DLG2: variants seen among roughly 807,000 people sequenced by gnomAD.
The protein encoded by DLG2 is disks large homolog 2.
DLG2 carries 45 observed loss-of-function variants against 132.5 expected under a neutral mutation model. The ratio of observed to expected loss-of-function variants is 0.34; its 90% CI spans 0.27 to 0.44. The LOEUF (loss-of-function observed/expected upper bound fraction) is 0.44, where lower values mean the gene tolerates loss of function less well. Among genes scored for constraint, DLG2 ranks in the 20% least tolerant of loss-of-function variants. DLG2 has a pLI of 1.00. For synonymous variants in DLG2, 424 were observed against 419.6 expected (o/e 1.01, Z -0.13); for missense variants, 1,045 against 1,196.9 (o/e 0.87, Z 1.87).
chr11:84,320,213 T>G (rs1050586669), intron 7 of DLG2, among the ~76,000 whole-genome samples: 7 of 152,188 alleles, frequency 4.6e-5, no homozygotes, highest in South Asian at 4.1e-4. Flanking sequence ...CTCTTTGACC[T>G]GGCACTGGCT....
chr11:85,315,606 T>C (rs951168492), intron 3 of DLG2, among the ~76,000 whole-genome samples: 6 of 151,980 alleles, frequency 3.9e-5, no homozygotes, highest in Non-Finnish European at 8.8e-5. Flanking sequence ...GTGAACATCA[T>C]ATATCAGGAC....
Position 83,553,483 on chromosome 11 carries a change from C to CGTGTGTGTGTGTGT in DLG2, c.1941-11639_1941-11626dup, listed in dbSNP as rs71959561. On this transcript the variant is annotated intron_variant, in intron 19 of 27. Coordinates refer to ENST00000376104, the MANE Select transcript of DLG2 (RefSeq NM_001142699.3). Reference sequence around the variant, plus strand: ...CTGGCACAAAGTAAGAAGTAAGCACCGTGTGTGTGTGTGTGTGTGTGTGTG... The same window carrying CGTGTGTGTGTGTGT: ...CTGGCACAAAGTAAGAAGTAAGCACCGTGTGTGTGTGTGTGTGTGTGTGTGTGTGTGTGTGTGTG... Among the ~76,000 whole-genome samples, 1,087 of 143,824 alleles carry CGTGTGTGTGTGTGT rather than the reference C, an allele frequency of 7.6e-3. 17 individuals are homozygous for CGTGTGTGTGTGTGT. Among genetic ancestry groups the CGTGTGTGTGTGTGT allele is most frequent in the African/African-American group, 0.018 (680 of 37,788 alleles). 94.4% of individuals were successfully genotyped at this position (143,824 alleles called of 152,430 possible). A position where few individuals can be genotyped will look rare whatever the true frequency, so the allele number is the denominator to read the frequency against.
At chr11:85,029,070 G>A (rs2060791079) in intron 6 of DLG2, among the ~76,000 whole-genome samples, 1 of 152,130 alleles carries the variant, frequency 6.6e-6, no homozygotes, top group Non-Finnish European at 1.5e-5. Context: ...CAAAATTCTT[G>A]GGGTGGGGAT....
chr11:85,134,603 G>T (rs1186430634), intron 5 of DLG2, among the ~76,000 whole-genome samples: 1 of 137,820 alleles, frequency 7.3e-6, no homozygotes, highest in Non-Finnish European at 1.5e-5. Context: ...TAAATAATAT[G>T]TAAGACTTCT....
At chr11:85,018,790 C>CT (rs59380438) in intron 6 of DLG2, among the ~76,000 whole-genome samples, 1,369 of 135,604 alleles carry the variant, frequency 0.01, 8 homozygotes, top group South Asian at 0.027. Flanking sequence ...AACATGCCTT[C>CT]TTTTTTTTTT....
intron 6 of DLG2, among the ~76,000 whole-genome samples, chr11:84,561,018 G>A (rs536273244): frequency 6.6e-6 from 1 of 152,146 alleles, no homozygotes; most frequent in African/African-American, 2.4e-5. Flanking sequence ...GGTCTGGTAT[G>A]GGGAGGCAAA....
chr11:83,522,284 T>G (rs576688699), intron 21 of DLG2, among the ~76,000 whole-genome samples: 1 of 152,212 alleles, frequency 6.6e-6, no homozygotes, highest in South Asian at 2.1e-4. Flanking sequence ...TTTGCTAAAC[T>G]TTTTTGCCTT....
chr11:84,965,812 C>G (rs1351100926), intron 6 of DLG2, among the ~76,000 whole-genome samples: 1 of 151,888 alleles, frequency 6.6e-6, no homozygotes, highest in East Asian at 1.9e-4. Context: ...GAGATCGGCG[C>G]CTAAAAAAGG....
Position 83,980,494 on chromosome 11 carries a change from A to T in DLG2, c.1056+12T>A, listed in dbSNP as rs776984603. The T allele has an allele frequency of 1.9e-6, 3 of 1,609,590 alleles. No homozygotes were observed. The highest frequency in any genetic ancestry group is 2.2e-5 in the East Asian group (1 of 44,774). On this transcript the variant is annotated intron_variant, in intron 12 of 27. Transcript: ENST00000376104. The stretch of plus-strand genomic sequence containing the variant: ...ATAAATATACACACAGTTTTGCTGG[A>T]GTCACACTCACCATTAGTAGTCTAT...
chr11:83,620,999 G>A (rs1159072005), intron 19 of DLG2, among the ~76,000 whole-genome samples: 3 of 150,808 alleles, frequency 2.0e-5, no homozygotes, highest in Non-Finnish European at 4.4e-5. Flanking sequence ...TAGCTATAAG[G>A]TAAGATTATA....
chr11:85,347,767 T>A (rs908802853), intron 3 of DLG2, among the ~76,000 whole-genome samples: 3 of 149,836 alleles, frequency 2.0e-5, no homozygotes, highest in African/African-American at 7.3e-5. Flanking sequence ...TTTTTCCCCC[T>A]ATCAAGGGCA....
intron 8 of DLG2, among the ~76,000 whole-genome samples, chr11:84,233,546 T>G (rs1014829220): frequency 6.6e-6 from 1 of 152,054 alleles, no homozygotes; most frequent in African/African-American, 2.4e-5. Flanking sequence ...AACAAAGAAA[T>G]GGGTAACATG....
chr11:85,403,665 G>A (rs1052365430), intron 3 of DLG2, among the ~76,000 whole-genome samples: 5 of 151,862 alleles, frequency 3.3e-5, no homozygotes, highest in Non-Finnish European at 7.4e-5. Context: ...GGAGATGTAT[G>A]ATATCACGTT....
chr11:84,379,848 C>T (rs2098743132), intron 7 of DLG2, among the ~76,000 whole-genome samples: 1 of 151,504 alleles, frequency 6.6e-6, no homozygotes, highest in African/African-American at 2.4e-5. Flanking sequence ...ATTTAGGTAG[C>T]ACAATAAGCC....
At chr11:83,765,758 G>A (rs898464659) in intron 18 of DLG2, among the ~76,000 whole-genome samples, 17 of 152,196 alleles carry the variant, frequency 1.1e-4, no homozygotes, top group Non-Finnish European at 1.9e-4. Context: ...AACATAGGAG[G>A]CACAATATAT....
intron 17 of DLG2, chr11:83,790,416 G>T: frequency 1.9e-6 from 2 of 1,036,584 alleles, no homozygotes; most frequent in Non-Finnish European, 3.0e-6. Context: ...CATGTGATTG[G>T]TCCCCAGTAC....
intron 4 of DLG2, among the ~76,000 whole-genome samples, chr11:85,156,481 T>G (rs756974626): frequency 7.2e-5 from 11 of 152,188 alleles, no homozygotes; most frequent in Non-Finnish European, 1.3e-4. Context: ...GCTCAACCAC[T>G]TTGGGATACC....
At chr11:84,523,342 T>C (rs1298432231) in intron 7 of DLG2, among the ~76,000 whole-genome samples, 3 of 152,178 alleles carry the variant, frequency 2.0e-5, no homozygotes, top group South Asian at 2.1e-4. Flanking sequence ...GATTTACTAA[T>C]AGACACAGCT....
intron 11 of DLG2, among the ~76,000 whole-genome samples, chr11:84,009,939 C>T (rs1026475749): frequency 2.6e-5 from 4 of 152,044 alleles, no homozygotes; most frequent in African/African-American, 7.2e-5. Context: ...GGCCAAGACG[C>T]GAATCCAAGA....
Sources: gnomAD v4.1 joint callset for allele counts (sites outside exome capture counted in the v4.1 genomes callset) on GRCh38, gnomAD v4.1.1 for gene constraint, MANE v1.5 for transcripts, NCBI Gene and HGNC (gene_info 2026-07-23, HGNC 2026-07-21) for gene names.